The following PCK2 variants were observed in gnomAD, a reference collection of about 807,000 sequenced individuals.
PCK2 encodes phosphoenolpyruvate carboxykinase [GTP], mitochondrial.
Under a neutral mutation model 65.9 loss-of-function variants are expected in PCK2, and 56 were observed. The ratio of observed to expected loss-of-function variants is 0.85; its 90% confidence interval spans 0.69 to 1.06. The LOEUF (loss-of-function observed/expected upper bound fraction) is 1.06. Ranked by LOEUF, PCK2 falls within the 50% of genes least tolerant of loss-of-function variation. PCK2 has a pLI of 0.00. For synonymous variants in PCK2, 305 were observed against 319.6 expected (o/e 0.95, Z 0.49); for missense variants, 843 against 863.1 (o/e 0.98, Z 0.29).
intron 7 of PCK2, among the ~76,000 whole-genome samples, chr14:24,100,841 G>A (rs779013557): frequency 2.6e-5 from 4 of 152,194 alleles, no homozygotes; most frequent in Non-Finnish European, 5.9e-5. Context: ...CAGTGCTTGA[G>A]TCTTTCCCAG....
intron 7 of PCK2, 36 bp from the exon 8 acceptor site, chr14:24,102,717 C>A: frequency 6.3e-7 from 1 of 1,593,838 alleles, no homozygotes; most frequent in South Asian, 1.1e-5. Context: ...GTCGACATGA[C>A]CTTGGAAATA....
rs527871587 is a variant in PCK2, at chr14:24,098,873, G to A, written c.665-176G>A. ...CTTTGCACTAGGTTGAGAAAAATCC[G>A]TGTCCAAGAATAGGGGCATGGAAGC... is the stretch of plus-strand genomic sequence containing the variant. On this transcript the variant is annotated intron_variant, in intron 4 of 9. Transcript: ENST00000216780. Among the ~76,000 whole-genome samples the A allele has an allele frequency of 6.6e-5, 10 of 152,328 alleles. No homozygotes were observed. In the South Asian group the frequency reaches 8.3e-4, roughly 13 times the overall value.
chr14:24,095,322 T>C, intron 1 of PCK2: 2 of 435,216 alleles, frequency 4.6e-6, no homozygotes, highest in South Asian at 3.2e-5. Context: ...CTCAAGACTG[T>C]GTGCTTGAAA....
Position 24,099,716 on chromosome 14 carries a change from T to C in PCK2, c.1011T>C (p.Ser337=), listed in dbSNP as rs1199560349. 1.2e-6 allele frequency: 2 copies of C among 1,613,144 alleles called. No individual in the cohort carries two copies. Among genetic ancestry groups the C allele is most frequent in the East Asian group, 4.5e-5 (2 of 44,874 alleles). ...ATATTGCTTGGATGAGGTTTGACAG[T>C]GAAGGTGAGGGACTCTCAGATCATA... ...GDDIAWMRFD[S]EGRLRAINPE... Residue 337 remains serine, a synonymous_variant, in exon 6 of 10, where the codon AGT becomes AGC. Coordinates refer to ENST00000216780, the MANE Select transcript of PCK2 (RefSeq NM_004563.4).
chr14:24,102,304 G>A (rs146666245), intron 7 of PCK2, among the ~76,000 whole-genome samples: 3 of 152,268 alleles, frequency 2.0e-5, no homozygotes, highest in East Asian at 1.9e-4. Context: ...GTTTGCTGAC[G>A]GAAAGTCAAT....
Position 24,102,872 on chromosome 14 carries a change from G to A in PCK2, c.1354G>A (p.Gly452Ser). The A allele has an allele frequency of 6.2e-7, 1 of 1,613,890 alleles. No individual in the cohort carries two copies. Among genetic ancestry groups the A allele is most frequent in the Non-Finnish European group, 8.5e-7 (1 of 1,179,958 alleles). ...EGVPIDAIIF[G>S]GRRPKGVPLV... ...TGTCCCCATTGACGCCATCATCTTT[G>A]GTGGCCGCAGACCCAAAGGTAAACA... The change falls in exon 8 of 10, where the codon GGT becomes AGT. Residue 452 changes from glycine (G) to serine (S), a missense_variant. Physicochemically the swap from Gly to Ser is moderately conservative, Grantham distance 56. Coordinates refer to ENST00000216780, the MANE Select transcript of PCK2 (RefSeq NM_004563.4).
In PCK2 at chr14:24,094,412, G is replaced by A. The variant is rs529249073; in HGVS notation, c.7G>A (p.Ala3Thr). 125 of 1,559,498 alleles carry A rather than the reference G, an allele frequency of 8.0e-5. 1 individual carries two copies. In the Middle Eastern group the frequency reaches 1.2e-3, roughly 15 times the overall value. MA[A>T]LYRPGLRLNW... ...CAGCCCCTGCCCAGGTGCCATGGCC[G>A]CATTGTACCGCCCTGGCCTGCGGTG... The change falls in exon 1 of 10, where the codon GCA becomes ACA. Residue 3 changes from alanine (A) to threonine (T), a missense_variant. Physicochemically the swap from Ala to Thr is moderately conservative, Grantham distance 58 (BLOSUM62 0). Coordinates refer to ENST00000216780, the MANE Select transcript of PCK2 (RefSeq NM_004563.4). The surrounding 1 kb of genome is among the most constrained non-coding windows in gnomAD (Gnocchi z 4.1).
At chr14:24,098,715 C>G (rs778868207) in intron 4 of PCK2, 37 bp downstream of exon 4, 1 of 1,553,592 alleles carries the variant, frequency 6.4e-7, no homozygotes, top group Non-Finnish European at 8.9e-7. Flanking sequence ...AACACAGAGG[C>G]CTTCTTGTAC....
chr14:24,101,004 G>A (rs1309092257), intron 7 of PCK2, among the ~76,000 whole-genome samples: 2 of 152,172 alleles, frequency 1.3e-5, no homozygotes, highest in African/African-American at 4.8e-5. Context: ...GAGCATGGGA[G>A]GGGAGGCTGG....
rs1299774162 is a variant in PCK2, at chr14:24,103,189, T to C, written c.1402T>C (p.Trp468Arg). 6.2e-7 allele frequency: 1 copy of C among 1,614,006 alleles called. No individual in the cohort carries two copies. The highest frequency in any genetic ancestry group is 1.7e-5 in the Admixed American group (1 of 60,006). The change falls in exon 9 of 10, where the codon TGG (tryptophan) becomes CGG (arginine). Residue 468 changes from tryptophan to arginine, a missense_variant. Trp to Arg is a moderately radical substitution (Grantham distance 101). Transcript: ENST00000216780. The part of the protein sequence containing the change: ...GVPLVYEAFN[W>R]RHGVFVGSAM... ...ACCCCTGGTATACGAGGCCTTCAAC[T>C]GGCGTCATGGGGTGTTTGTGGGCAG... is the stretch of plus-strand genomic sequence containing the variant.
In PCK2 at chr14:24,103,976, A is replaced by C. The variant is rs1347765044; in HGVS notation, c.*12A>C. Reference sequence around the variant, plus strand: ...TGCACAAAATGTGACCTGAGGCCCTAGTCTAGCAAGAGGACATAGCACCCT... The same window carrying C: ...TGCACAAAATGTGACCTGAGGCCCTCGTCTAGCAAGAGGACATAGCACCCT... On this transcript the variant is annotated 3_prime_UTR_variant, in exon 10 of 10. Transcript: ENST00000216780. The C allele has an allele frequency of 6.2e-7, 1 of 1,603,144 alleles. No individual in the cohort carries two copies.
Position 24,098,214 on chromosome 14 carries a change from G to A in PCK2, c.287G>A (p.Arg96His), listed in dbSNP as rs770940344. 1.2e-4 allele frequency: 186 copies of A among 1,608,938 alleles called. No individual in the cohort carries two copies. In the South Asian group the frequency reaches 1.4e-3, roughly 12 times the overall value. Residue 96 changes from arginine to histidine, a missense_variant, in exon 3 of 10, where the codon CGC (arginine) becomes CAC (histidine). Physicochemically the swap from Arg to His is conservative, Grantham distance 29 (BLOSUM62 0). Coordinates refer to ENST00000216780, the MANE Select transcript of PCK2 (RefSeq NM_004563.4). ...CCCCTCTCCCCCAGCTGGCTGGCCC[G>A]CACAGACCCCAAGGATGTGGCACGA... Reference protein sequence around the residue: ...LPKYNNCWLARTDPKDVARVE... With the variant: ...LPKYNNCWLAHTDPKDVARVE...
chr14:24,098,647 G>A lies in PCK2; in HGVS notation c.633G>A (p.Leu211=). ...ALGDGDFVKC[L]HSVGQPLTGQ... Reference sequence around the variant, plus strand: ...GAGATGGTGACTTTGTCAAGTGTCTGCACTCCGTGGGCCAGCCCCTGACAG... The same window carrying A: ...GAGATGGTGACTTTGTCAAGTGTCTACACTCCGTGGGCCAGCCCCTGACAG... Residue 211 remains leucine, a synonymous_variant, in exon 4 of 10, where the codon CTG becomes CTA. Coordinates refer to ENST00000216780, the MANE Select transcript of PCK2 (RefSeq NM_004563.4). 6.2e-7 allele frequency: 1 copy of A among 1,613,906 alleles called. No homozygotes were observed.
rs756869059 is a variant in PCK2, at chr14:24,099,538, CCT to C, written c.853-14_853-13del. On this transcript the variant is annotated intron_variant, in intron 5 of 9. Transcript: ENST00000216780. ...ACTTTTGGTGACCTCTTTCTTATTC[CCT>C]CTCTCCCCAATGCACAGATCCTGGG... 6.4e-7 allele frequency: 1 copy of C among 1,556,452 alleles called. No individual in the cohort carries two copies. The highest frequency in any genetic ancestry group is 8.7e-7 in the Non-Finnish European group (1 of 1,153,048).
Position 24,094,434 on chromosome 14 carries a change from G to A in PCK2, c.29G>A (p.Arg10Gln), listed in dbSNP as rs1191182273. The A allele has an allele frequency of 3.9e-6, 6 of 1,548,564 alleles. No individual in the cohort carries two copies. The highest frequency in any genetic ancestry group is 1.8e-4 in the Middle Eastern group (1 of 5,602). The change falls in exon 1 of 10, where the codon CGG (arginine) becomes CAG (glutamine). Residue 10 changes from arginine to glutamine, a missense_variant and splice_region_variant. Transcript: ENST00000216780. The surrounding 1 kb of genome is among the most constrained non-coding windows in gnomAD (Gnocchi z 4.1). Reference protein sequence around the residue: MAALYRPGLRLNWHGLSPLG... With the variant: MAALYRPGLQLNWHGLSPLG... The stretch of plus-strand genomic sequence containing the variant: ...GCCGCATTGTACCGCCCTGGCCTGC[G>A]GTGAGTGACCCCCGGCCCGGGGCCC...
chr14:24,101,335 C>T (rs1318530538), intron 7 of PCK2, among the ~76,000 whole-genome samples: 2 of 152,184 alleles, frequency 1.3e-5, no homozygotes, highest in Admixed American at 6.5e-5. Flanking sequence ...CAGAAGCTGG[C>T]GGATGGGAGA....
At chr14:24,102,692 A>T in intron 7 of PCK2, 61 bp from the exon 8 acceptor site, 1 of 1,399,702 alleles carries the variant, frequency 7.1e-7, no homozygotes, top group African/African-American at 1.4e-5. Flanking sequence ...GTGCCCATGT[A>T]TGTGTGTGTT....
At chr14:24,098,795 C>G (rs1370815230) in intron 4 of PCK2, 117 bp downstream of exon 4, 8 of 882,936 alleles carry the variant, frequency 9.1e-6, no homozygotes, top group Non-Finnish European at 1.4e-5. Flanking sequence ...ACCTAATTCC[C>G]AAGATCCAGA....
At position 24,094,759 on chromosome 14, in the gene PCK2, T is replaced by G; in HGVS notation, c.29+325T>G. 6 of 1,427,952 alleles carry G rather than the reference T, an allele frequency of 4.2e-6. No individual in the cohort carries two copies. The highest frequency in any genetic ancestry group is 3.2e-5 in the East Asian group (1 of 30,796). 88.5% of individuals were successfully genotyped at this position (1,427,952 alleles called of 1,614,324 possible). On this transcript the variant is annotated intron_variant, in intron 1 of 9. Coordinates refer to ENST00000216780, the MANE Select transcript of PCK2 (RefSeq NM_004563.4). This position sits in a 1 kb window ranked among gnomAD's most constrained non-coding sequence, Gnocchi z 4.1. ...CAGGTCTCCGCATATCCTCCTTTCC[T>G]TCCCAGATACCTCCCTCGGACCTCT...
Sources: gnomAD v4.1 joint callset for allele counts (sites outside exome capture counted in the v4.1 genomes callset) on GRCh38, gnomAD v4.1.1 for gene constraint, Gnocchi (gnomAD v3.1) non-coding constraint, MANE v1.5 for transcripts, NCBI Gene and HGNC (gene_info 2026-07-23, HGNC 2026-07-21) for gene names.